FAM193A: variants seen among roughly 807,000 people sequenced by gnomAD.
FAM193A encodes the protein protein FAM193A.
A neutral mutation model predicts 126.5 loss-of-function variants in FAM193A; 22 were observed. The ratio of observed to expected loss-of-function variants is 0.17; its 90% CI spans 0.12 to 0.25. The LOEUF is 0.25. FAM193A is among the 10% of genes least tolerant of loss of function. The pLI is 1.00. For missense variants in FAM193A, 1,675 were observed against 1,672.8 expected, an observed-to-expected ratio of 1.00 and a Z score of -0.02; for synonymous variants, 761 against 646.8, an observed-to-expected ratio of 1.18 and a Z score of -2.68.
At chr4:2,663,530 A>C (rs1467235107) in intron 12 of FAM193A, among the ~76,000 whole-genome samples, 1 of 152,154 alleles carries the variant, frequency 6.6e-6, no homozygotes, top group African/African-American at 2.4e-5. Context: ...GTATAGAAGC[A>C]AAGAGAGGAG....
chr4:2,659,628 G>T lies in FAM193A; in HGVS notation c.1460G>T (p.Arg487Leu), dbSNP rs149282262. 6.2e-7 allele frequency: 1 copy of T among 1,614,104 alleles called. No individual in the cohort carries two copies. The highest frequency in any genetic ancestry group is 1.3e-5 in the African/African-American group (1 of 75,012). The change falls in exon 9 of 21, where the codon CGG becomes CTG. Residue 487 changes from arginine (R) to leucine (L), a missense_variant. By Grantham distance (102) the Arg-to-Leu change is moderately radical. This residue lies in a region of FAM193A where 1,186 missense variants were observed against 1,109.2 expected (regional missense o/e 1.07). Transcript: ENST00000637812. ...ACCATGAGGCACATGTTATCGTCCCGGCTGAGCATGCCCGACTGCCCCAAC... is the reference window on the plus strand; with the variant it reads ...ACCATGAGGCACATGTTATCGTCCCTGCTGAGCATGCCCGACTGCCCCAAC... ...TDTMRHMLSSRLSMPDCPNCN... is the reference protein window; with the variant it reads ...TDTMRHMLSSLLSMPDCPNCN...
At chr4:2,682,897 T>C (rs186080323) in intron 13 of FAM193A, among the ~76,000 whole-genome samples, 1 of 152,362 alleles carries the variant, frequency 6.6e-6, no homozygotes, top group East Asian at 1.9e-4. Context: ...TGAATAATAA[T>C]AAGAAGAAGA....
intron 2 of FAM193A, among the ~76,000 whole-genome samples, chr4:2,610,645 A>C (rs563093964): frequency 3.4e-4 from 51 of 152,224 alleles, no homozygotes; most frequent in Non-Finnish European, 6.5e-4. Flanking sequence ...TGTATGGATA[A>C]ACCACAATTT....
chr4:2,614,876 A>T (rs1203231280), intron 2 of FAM193A, among the ~76,000 whole-genome samples: 1 of 152,180 alleles, frequency 6.6e-6, no homozygotes, highest in Non-Finnish European at 1.5e-5. Context: ...TTGTGACATA[A>T]AGTTGTTCAG....
At chr4:2,641,641 C>T (rs537716699) in intron 6 of FAM193A, among the ~76,000 whole-genome samples, 2 of 152,012 alleles carry the variant, frequency 1.3e-5, no homozygotes, top group South Asian at 2.1e-4. Flanking sequence ...GACCACAGAG[C>T]GAGACTCCAT....
intron 15 of FAM193A, 112 bp from the exon 16 acceptor site, chr4:2,693,474 T>C (rs1716643062): frequency 1.0e-6 from 1 of 1,001,678 alleles, no homozygotes; most frequent in Non-Finnish European, 1.5e-6. Flanking sequence ...GTCGTGAAGA[T>C]GAAGCAAGGT....
chr4:2,669,164 A>G (rs1340246596), intron 12 of FAM193A, among the ~76,000 whole-genome samples: 5 of 152,086 alleles, frequency 3.3e-5, no homozygotes, highest in Admixed American at 6.5e-5. Context: ...AGTGTTTTCT[A>G]TTTGCTAGCT....
At position 2,731,886 on chromosome 4, in the gene FAM193A, A is replaced by G. The variant is rs765904314; in HGVS notation, c.*18A>G. 1 of 1,590,446 alleles carries G rather than the reference A, an allele frequency of 6.3e-7. No homozygotes were observed. The highest frequency in any genetic ancestry group is 1.1e-5 in the South Asian group (1 of 90,614). On this transcript the variant is annotated 3_prime_UTR_variant, in exon 21 of 21. Transcript: ENST00000637812. ...CCCACTGAATGAGGACTCCCTGGAG[A>G]GGGACACGCGAGAGGCAGGCCAGGC...
rs33996164 is a variant in FAM193A, at chr4:2,575,465, A to ATTT, written c.256-20602_256-20600dup. Among the ~76,000 whole-genome samples the ATTT allele has an allele frequency of 6.2e-3, 837 of 135,350 alleles. 13 individuals are homozygous for ATTT. The highest frequency in any genetic ancestry group is 0.021 in the African/African-American group (760 of 36,180). 88.8% of individuals were successfully genotyped at this position (135,350 alleles called of 152,430 possible). Reference sequence around the variant, plus strand: ...TGTTGGGTATTTGTTAGATACTGGGATTTTTTTTTTTTTTTTTTTGACGCT... The same window carrying ATTT: ...TGTTGGGTATTTGTTAGATACTGGGATTTTTTTTTTTTTTTTTTTTTTGACGCT... On this transcript the variant is annotated intron_variant, in intron 1 of 20. Transcript: ENST00000637812.
At position 2,732,261 on chromosome 4, in the gene FAM193A, T is replaced by C. The variant is rs568847894; in HGVS notation, c.*393T>C. 4.3e-4 allele frequency: 99 copies of C among 232,452 alleles called. No individual in the cohort carries two copies. The highest frequency in any genetic ancestry group is 2.2e-3 in the African/African-American group (98 of 44,214). 14.4% of individuals were successfully genotyped at this position (232,452 alleles called of 1,614,324 possible). A position where few individuals can be genotyped will look rare whatever the true frequency, so the allele number is the denominator to read the frequency against. The stretch of plus-strand genomic sequence containing the variant: ...TATCGGCCGTCACTCAGCTCTCCTG[T>C]GCCCCTGCGTCTCACCCTAGGCGGG... On this transcript the variant is annotated 3_prime_UTR_variant, in exon 21 of 21. Coordinates refer to ENST00000637812, the MANE Select transcript of FAM193A (RefSeq NM_001366318.2).
intron 1 of FAM193A, among the ~76,000 whole-genome samples, chr4:2,570,285 G>T (rs564957521): frequency 6.6e-6 from 1 of 152,094 alleles, no homozygotes; most frequent in African/African-American, 2.4e-5. Context: ...GTTGAATTCA[G>T]TGTGTTCAGA....
chr4:2,607,400 TGAAAAAGG>T (rs1741609818), intron 2 of FAM193A, among the ~76,000 whole-genome samples: 1 of 152,154 alleles, frequency 6.6e-6, no homozygotes, highest in Admixed American at 6.6e-5. Flanking sequence ...GTCAGCACAG[TGAAAAAGG>T]CAGAGGACAT....
chr4:2,612,357 G>A (rs1334064214), intron 2 of FAM193A, among the ~76,000 whole-genome samples: 4 of 151,876 alleles, frequency 2.6e-5, no homozygotes, highest in Middle Eastern at 3.4e-3. Context: ...AAAATTAGCC[G>A]AGACGGTGGC....
intron 7 of FAM193A, among the ~76,000 whole-genome samples, chr4:2,652,617 C>G (rs1411848615): frequency 1.3e-5 from 2 of 152,106 alleles, no homozygotes; most frequent in Non-Finnish European, 2.9e-5. Flanking sequence ...TCTGAGCACT[C>G]GCTATCACGA....
At chr4:2,555,083 C>T (rs542879443) in intron 1 of FAM193A, among the ~76,000 whole-genome samples, 5 of 151,954 alleles carry the variant, frequency 3.3e-5, no homozygotes, top group Admixed American at 6.6e-5. Context: ...TTTTTCCTGG[C>T]CTAATAACTA....
chr4:2,598,066 AG>A (rs1740972706), intron 2 of FAM193A, among the ~76,000 whole-genome samples: 1 of 152,096 alleles, frequency 6.6e-6, no homozygotes, highest in Admixed American at 6.5e-5. Flanking sequence ...CACCATGCCC[AG>A]CTAATTTTTG....
intron 1 of FAM193A, among the ~76,000 whole-genome samples, chr4:2,572,601 G>A (rs895336719): frequency 6.6e-5 from 10 of 152,002 alleles, no homozygotes; most frequent in African/African-American, 2.4e-4. Context: ...CAGGTAAGAG[G>A]AGCCCTGTGC....
At position 2,590,486 on chromosome 4, in the gene FAM193A, CAAAAA is replaced by C. The variant is rs746750683; in HGVS notation, c.256-5593_256-5589del. On this transcript the variant is annotated intron_variant, in intron 1 of 20. Coordinates refer to ENST00000637812, the MANE Select transcript of FAM193A (RefSeq NM_001366318.2). ...CTCAAAAAAAAAAAACAAAAAAAAA[CAAAAA>C]AAAACAAAAAAAAACAAAAAAAAAA... is the stretch of plus-strand genomic sequence containing the variant. Among the ~76,000 whole-genome samples the C allele has an allele frequency of 3.7e-4, 14 of 38,012 alleles. 2 individuals are homozygous for C. The highest frequency in any genetic ancestry group is 1.2e-3 in the African/African-American group (7 of 5,910). The allele number at this position is 38,012 out of a possible 152,430, so 24.9% of individuals were successfully genotyped here.
chr4:2,634,248 G>GA (rs1218501419), intron 5 of FAM193A, among the ~76,000 whole-genome samples: 3 of 152,212 alleles, frequency 2.0e-5, no homozygotes, highest in Non-Finnish European at 4.4e-5. Flanking sequence ...ACATGAGCTG[G>GA]AGTGTGAATA....
Sources: gnomAD v4.1 joint callset for allele counts (sites outside exome capture counted in the v4.1 genomes callset) on GRCh38, gnomAD v4.1.1 for gene constraint, gnomAD v4.1.1 regional missense constraint, MANE v1.5 for transcripts, NCBI Gene and HGNC (gene_info 2026-07-23, HGNC 2026-07-21) for gene names.